Variants in HTRA1 observed in about 807,000 individuals in gnomAD.
The protein encoded by HTRA1 is HtrA serine peptidase 1.
A neutral mutation model predicts 49.7 loss-of-function variants in HTRA1; 26 were observed. That is an observed-to-expected ratio of 0.52 (90% confidence interval 0.38 to 0.73). HTRA1 has a LOEUF of 0.73. Ranked by LOEUF, HTRA1 falls within the 30% of genes least tolerant of loss-of-function variation. The probability of loss-of-function intolerance (pLI) is 0.00; values close to 1 mark genes in which losing one functional copy is unlikely to be tolerated. For synonymous variants in HTRA1, 291 were observed against 286.9 expected (o/e 1.01, Z -0.14); for missense variants, 561 against 667.2 (o/e 0.84, Z 1.75).
In HTRA1 at chr10:122,488,768, G is replaced by C. The variant is rs935248792; in HGVS notation, c.473-134G>C. 4.1e-5 allele frequency: 32 copies of C among 789,072 alleles called. No individual in the cohort carries two copies. The East Asian group carries it at 4.9e-4, about 12-fold the overall frequency. 48.9% of individuals were successfully genotyped at this position (789,072 alleles called of 1,614,324 possible). A position where few individuals can be genotyped will look rare whatever the true frequency, so the allele number is the denominator to read the frequency against. On this transcript the variant is annotated intron_variant, in intron 1 of 8. Transcript: ENST00000368984. ...TGGACATTTGCAGCTGAGCCCAGGT[G>C]GGGGAATTGCGCTCACTCCGCCTTC...
At chr10:122,495,299 G>A (rs1252479814) in intron 3 of HTRA1, among the ~76,000 whole-genome samples, 1 of 152,068 alleles carries the variant, frequency 6.6e-6, no homozygotes, top group South Asian at 2.1e-4. Flanking sequence ...CTTTTTCTCC[G>A]AGAACTCTGA....
Position 122,514,302 on chromosome 10 carries a change from C to T in HTRA1, c.1386C>T (p.Val462=). 2 of 1,614,116 alleles carry T rather than the reference C, an allele frequency of 1.2e-6. No individual in the cohort carries two copies. Among genetic ancestry groups the T allele is most frequent in the Non-Finnish European group, 1.7e-6 (2 of 1,180,002 alleles). Residue 462 remains valine (V), a synonymous_variant, in exon 9 of 9, where the codon GTC becomes GTT. Coordinates refer to ENST00000368984, the MANE Select transcript of HTRA1 (RefSeq NM_002775.5). ...IKRESTLNMV[V]RRGNEDIMIT... is the part of the protein sequence containing the mutation. ...GGGAAAGCACCCTGAACATGGTGGT[C>T]CGCAGGGGTAATGAAGATATCATGA...
chr10:122,510,153 G>A lies in HTRA1; in HGVS notation c.1178G>A (p.Ser393Asn). The change falls in exon 7 of 9, where the codon AGC becomes AAC. Residue 393 changes from serine (S) to asparagine (N), a missense_variant and splice_region_variant. Ser to Asn is a conservative substitution (Grantham distance 46, BLOSUM62 1). This residue lies in a region of HTRA1 where 179 missense variants were observed against 173.4 expected (regional missense o/e 1.03). Transcript: ENST00000368984. ...ATCCGAATGATGTCACTCACGTCCAGGTGGGTAAACAGGATGCGTGTCTGT... is the reference window on the plus strand; with the variant it reads ...ATCCGAATGATGTCACTCACGTCCAAGTGGGTAAACAGGATGCGTGTCTGT... ...IGIRMMSLTS[S>N]KAKELKDRHR... The A allele has an allele frequency of 6.2e-7, 1 of 1,613,410 alleles. No individual in the cohort carries two copies. Among genetic ancestry groups the A allele is most frequent in the East Asian group, 2.2e-5 (1 of 44,880 alleles).
At chr10:122,489,714 A>T in intron 3 of HTRA1, 88 bp downstream of exon 3, 1 of 1,255,978 alleles carries the variant, frequency 8.0e-7, no homozygotes, top group Non-Finnish European at 1.1e-6. Context: ...ATTGCAGCTG[A>T]TTCTCGGGGG....
chr10:122,496,228 CTTTTTTT>C (rs71026021), intron 3 of HTRA1, among the ~76,000 whole-genome samples: 1 of 75,646 alleles, frequency 1.3e-5, no homozygotes, highest in African/African-American at 5.4e-5. Context: ...ATTGTGGGTT[CTTTTTTT>C]TTTTTTTTTT....
chr10:122,501,560 G>A (rs1206949756), intron 3 of HTRA1, among the ~76,000 whole-genome samples: 1 of 152,134 alleles, frequency 6.6e-6, no homozygotes, highest in Non-Finnish European at 1.5e-5. Context: ...AGAGCCCTGG[G>A]TTTGTTTTAG....
Position 122,492,447 on chromosome 10 carries a change from C to T in HTRA1, c.777+2821C>T, listed in dbSNP as rs183172328. Among the ~76,000 whole-genome samples, 1,174 of 152,322 alleles carry T rather than the reference C, an allele frequency of 7.7e-3. 9 individuals carry two copies. The highest frequency in any genetic ancestry group is 0.024 in the Middle Eastern group (7 of 294). On this transcript the variant is annotated intron_variant, in intron 3 of 8. Coordinates refer to ENST00000368984, the MANE Select transcript of HTRA1 (RefSeq NM_002775.5). ...CTCCAGGACTCAAGTGATTCTCCTGCCTCAGCCTCCTGAGTGGCTGGGACT... is the reference window on the plus strand; with the variant it reads ...CTCCAGGACTCAAGTGATTCTCCTGTCTCAGCCTCCTGAGTGGCTGGGACT...
intron 1 of HTRA1, among the ~76,000 whole-genome samples, chr10:122,468,595 C>A (rs1412118880): frequency 1.3e-5 from 2 of 152,098 alleles, no homozygotes; most frequent in African/African-American, 4.8e-5. Context: ...CGGAATTTGC[C>A]ATCTAATATG....
At chr10:122,476,778 C>T (rs1167410073) in intron 1 of HTRA1, among the ~76,000 whole-genome samples, 1 of 152,056 alleles carries the variant, frequency 6.6e-6, no homozygotes, top group Non-Finnish European at 1.5e-5. Context: ...CGCTTGCATC[C>T]AGCCCTGACT....
intron 7 of HTRA1, among the ~76,000 whole-genome samples, chr10:122,511,736 AAAAAAAAAATAAAT>A (rs1375133488): frequency 3.4e-4 from 44 of 129,728 alleles, no homozygotes; most frequent in Admixed American, 5.2e-4. Context: ...CTGTCTCAAA[AAAAAAAAAATAAAT>A]AAAAAAAATA....
chr10:122,514,147 T>G (rs911700013), intron 8 of HTRA1, 44 bp from the exon 9 acceptor site: 1 of 1,591,092 alleles, frequency 6.3e-7, no homozygotes, highest in Non-Finnish European at 8.6e-7. Context: ...CCAGGAGGAA[T>G]GGAAACACGA....
Position 122,501,207 on chromosome 10 carries a change from A to C in HTRA1, c.778-5484A>C, listed in dbSNP as rs1458432553. Among the ~76,000 whole-genome samples the C allele has an allele frequency of 2.0e-5, 3 of 152,108 alleles. No individual in the cohort carries two copies. The South Asian group carries it at 6.2e-4, about 32-fold the overall frequency. On this transcript the variant is annotated intron_variant, in intron 3 of 8. Transcript: ENST00000368984. ...GCTGCATACCTGGCAGAGCGGGAGA[A>C]GCTCTGGGAAGATGCCGGACACGCG...
chr10:122,484,259 G>T (rs1331991873), intron 1 of HTRA1, among the ~76,000 whole-genome samples: 1 of 152,170 alleles, frequency 6.6e-6, no homozygotes, highest in African/African-American at 2.4e-5. Flanking sequence ...TCTTCAGGTT[G>T]GTTGCTTCGT....
chr10:122,490,204 C>A lies in HTRA1; in HGVS notation c.777+578C>A, dbSNP rs2097495106. On this transcript the variant is annotated intron_variant, in intron 3 of 8. Coordinates refer to ENST00000368984, the MANE Select transcript of HTRA1 (RefSeq NM_002775.5). The surrounding 1 kb of genome is among the most constrained non-coding windows in gnomAD (Gnocchi z 4.2). ...TTCTTCTTTCCAGACCTTCTCAGAG[C>A]TTTTAGTATGCTAGTGTGCACGTGG... Among the ~76,000 whole-genome samples the A allele has an allele frequency of 6.6e-6, 1 of 152,176 alleles. No homozygotes were observed. Among genetic ancestry groups the A allele is most frequent in the Non-Finnish European group, 1.5e-5 (1 of 68,038 alleles).
At position 122,504,744 on chromosome 10, in the gene HTRA1, A is replaced by T. The variant is rs559300296; in HGVS notation, c.778-1947A>T. Among the ~76,000 whole-genome samples the T allele has an allele frequency of 3.3e-5, 5 of 152,344 alleles. No homozygotes were observed. In the East Asian group the frequency reaches 9.7e-4, roughly 29 times the overall value. On this transcript the variant is annotated intron_variant, in intron 3 of 8. Coordinates refer to ENST00000368984, the MANE Select transcript of HTRA1 (RefSeq NM_002775.5). Reference sequence around the variant, plus strand: ...CATGAGTGCTGAAGTCATGCCTGGCAGGGGCTGCTGGCCCAGGCCCAGAGT... The same window carrying T: ...CATGAGTGCTGAAGTCATGCCTGGCTGGGGCTGCTGGCCCAGGCCCAGAGT...
At chr10:122,480,159 C>T (rs986840464) in intron 1 of HTRA1, among the ~76,000 whole-genome samples, 1 of 152,200 alleles carries the variant, frequency 6.6e-6, no homozygotes, top group Non-Finnish European at 1.5e-5. Context: ...CATTCATGAT[C>T]TGAAGTCACA....
At chr10:122,511,479 T>C (rs2133452774) in intron 7 of HTRA1, among the ~76,000 whole-genome samples, 1 of 152,162 alleles carries the variant, frequency 6.6e-6, no homozygotes, top group East Asian at 1.9e-4. Flanking sequence ...ACATCTGTAA[T>C]CCCAGCACTT....
At chr10:122,512,403 T>C (rs925315710) in intron 8 of HTRA1, among the ~76,000 whole-genome samples, 58 of 152,340 alleles carry the variant, frequency 3.8e-4, no homozygotes, top group African/African-American at 1.3e-3. Flanking sequence ...CCTCACTTGG[T>C]GGTCCTTTTC....
rs79966150 is a variant in HTRA1, at chr10:122,485,859, G to A, written c.473-3043G>A. 4.5e-4 allele frequency among the ~76,000 whole-genome samples: 68 copies of A among 152,364 alleles called. No homozygotes were observed. In the East Asian group the frequency reaches 0.011, roughly 25 times the overall value. ...GTGAGAGTTTCTGAAACACCACGCT[G>A]TCTCTGTGTTCTGGCCTGGCTGGAG... On this transcript the variant is annotated intron_variant, in intron 1 of 8. Coordinates refer to ENST00000368984, the MANE Select transcript of HTRA1 (RefSeq NM_002775.5).
Sources: allele counts gnomAD v4.1 joint callset (sites outside exome capture counted in the v4.1 genomes callset), GRCh38; gene constraint gnomAD v4.1.1; regional missense constraint gnomAD v4.1.1; non-coding constraint Gnocchi (gnomAD v3.1); transcripts MANE v1.5; gene names NCBI Gene and HGNC (gene_info 2026-07-23, HGNC 2026-07-21).